XIRP2: variants seen among roughly 807,000 people sequenced by gnomAD.
The protein encoded by XIRP2 is xin actin-binding repeat-containing protein 2.
A neutral mutation model predicts 277.0 loss-of-function variants in XIRP2; 236 were observed. The ratio of observed to expected loss-of-function variants is 0.85; its 90% CI spans 0.77 to 0.95. XIRP2 has a LOEUF of 0.95. Ranked by LOEUF, XIRP2 falls within the 40% of genes least tolerant of loss-of-function variation. XIRP2 has a pLI of 0.00. For synonymous variants in XIRP2, 1,490 were observed against 1,416.5 expected (o/e 1.05, Z -1.17); for missense variants, 4,640 against 4,157.5 (o/e 1.12, Z -3.19).
intron 2 of XIRP2, among the ~76,000 whole-genome samples, chr2:167,065,204 G>T (rs75998019): frequency 0.033 from 4,992 of 151,944 alleles, 143 homozygotes; most frequent in African/African-American, 0.077. Flanking sequence ...TCTAATGGGT[G>T]TGAGGTACTA....
intron 5 of XIRP2, among the ~76,000 whole-genome samples, chr2:167,227,562 G>A (rs944012143): frequency 6.6e-6 from 1 of 151,862 alleles, no homozygotes; most frequent in Non-Finnish European, 1.5e-5. Context: ...TTTTTAATTA[G>A]CCAAGCATGG....
chr2:166,971,729 A>G (rs1686582856), intron 2 of XIRP2, among the ~76,000 whole-genome samples: 1 of 152,090 alleles, frequency 6.6e-6, no homozygotes, highest in Non-Finnish European at 1.5e-5. Context: ...ATTTAATGAA[A>G]AATATTTTGT....
intron 2 of XIRP2, among the ~76,000 whole-genome samples, chr2:167,086,733 A>T (rs529147692): frequency 1.3e-5 from 2 of 151,192 alleles, no homozygotes; most frequent in African/African-American, 4.9e-5. Flanking sequence ...AGTTGATCGC[A>T]TCAGCTCCTG....
At chr2:167,090,345 T>C (rs1484924226) in intron 2 of XIRP2, among the ~76,000 whole-genome samples, 1 of 152,156 alleles carries the variant, frequency 6.6e-6, no homozygotes, top group African/African-American at 2.4e-5. Context: ...AAGACATTAT[T>C]ATTTTTATTT....
chr2:167,225,829 T>C (rs1338024984), intron 5 of XIRP2, among the ~76,000 whole-genome samples: 2 of 152,220 alleles, frequency 1.3e-5, no homozygotes, highest in African/African-American at 4.8e-5. Context: ...GGCCCTTTAA[T>C]CTGTTTATCC....
intron 2 of XIRP2, among the ~76,000 whole-genome samples, chr2:167,009,399 A>C (rs895780207): frequency 2.6e-5 from 4 of 151,574 alleles, no homozygotes; most frequent in African/African-American, 7.3e-5. Flanking sequence ...TGAACTCATC[A>C]TTTTTTATGG....
intron 2 of XIRP2, among the ~76,000 whole-genome samples, chr2:166,997,620 T>C (rs1687257582): frequency 6.6e-6 from 1 of 152,054 alleles, no homozygotes; most frequent in East Asian, 1.9e-4. Flanking sequence ...TCAGTTGACT[T>C]GGGGGGCCTG....
chr2:167,188,280 T>TTA (rs1465427561), intron 3 of XIRP2, among the ~76,000 whole-genome samples: 2 of 152,206 alleles, frequency 1.3e-5, no homozygotes, highest in Non-Finnish European at 2.9e-5. Context: ...GGGCCTTAAA[T>TTA]GTTTAGATGT....
At chr2:167,152,488 C>A (rs892362475) in intron 3 of XIRP2, among the ~76,000 whole-genome samples, 1 of 152,102 alleles carries the variant, frequency 6.6e-6, no homozygotes, top group African/African-American at 2.4e-5. Flanking sequence ...ACACATAAAA[C>A]TTATATTAAA....
At chr2:167,016,541 T>C (rs1486132773) in intron 2 of XIRP2, among the ~76,000 whole-genome samples, 1 of 151,952 alleles carries the variant, frequency 6.6e-6, no homozygotes, top group Non-Finnish European at 1.5e-5. Flanking sequence ...CATAGACACT[T>C]GTACTCAATA....
intron 3 of XIRP2, among the ~76,000 whole-genome samples, chr2:167,168,038 A>G (rs1042554057): frequency 4.6e-5 from 7 of 152,176 alleles, no homozygotes; most frequent in Non-Finnish European, 8.8e-5. Context: ...CAACACTTGT[A>G]TATTTCACTT....
At chr2:166,910,154 T>C (rs1348590432) in intron 2 of XIRP2, among the ~76,000 whole-genome samples, 1 of 152,222 alleles carries the variant, frequency 6.6e-6, no homozygotes, top group Non-Finnish European at 1.5e-5. Context: ...ATTCCCTCTT[T>C]TTCTATTGAT....
intron 2 of XIRP2, among the ~76,000 whole-genome samples, chr2:167,006,830 G>C (rs1443357420): frequency 6.6e-6 from 1 of 151,606 alleles, no homozygotes; most frequent in Non-Finnish European, 1.5e-5. Flanking sequence ...CAATCCTAAA[G>C]ATTTAAGTCT....
At chr2:167,058,951 T>TA (rs1689105802) in intron 2 of XIRP2, among the ~76,000 whole-genome samples, 1 of 152,122 alleles carries the variant, frequency 6.6e-6, no homozygotes, top group Non-Finnish European at 1.5e-5. Context: ...TGAGCTTACT[T>TA]ACATTTACCT....
At chr2:167,001,053 A>T (rs894955872) in intron 2 of XIRP2, among the ~76,000 whole-genome samples, 8 of 152,136 alleles carry the variant, frequency 5.3e-5, no homozygotes, top group African/African-American at 1.7e-4. Flanking sequence ...AAAAATAAGT[A>T]TGAAGAAATT....
intron 3 of XIRP2, among the ~76,000 whole-genome samples, chr2:167,168,383 A>G (rs1347186561): frequency 6.6e-6 from 1 of 151,266 alleles, no homozygotes; most frequent in African/African-American, 2.4e-5. Context: ...TTTTTTTTGT[A>G]AGTTGTCTCA....
At chr2:167,048,772 C>T (rs1012553272) in intron 2 of XIRP2, among the ~76,000 whole-genome samples, 2 of 151,934 alleles carry the variant, frequency 1.3e-5, no homozygotes, top group African/African-American at 4.8e-5. Context: ...CCTTTTGAGT[C>T]CTTTCTAAGT....
intron 10 of XIRP2, among the ~76,000 whole-genome samples, chr2:167,254,999 AT>A (rs569488767): frequency 1.3e-4 from 19 of 150,748 alleles, no homozygotes; most frequent in African/African-American, 4.4e-4. Context: ...TCATGGCAAC[AT>A]TTTTTTCCCT....
At chr2:166,995,091 AG>A (rs1218903720) in intron 2 of XIRP2, among the ~76,000 whole-genome samples, 1 of 152,116 alleles carries the variant, frequency 6.6e-6, no homozygotes, top group African/African-American at 2.4e-5. Flanking sequence ...CATGTTGGCC[AG>A]GGTGGTCTCA....
Sources: gnomAD v4.1 joint callset for allele counts (sites outside exome capture counted in the v4.1 genomes callset) on GRCh38, gnomAD v4.1.1 for gene constraint, MANE v1.5 for transcripts, NCBI Gene and HGNC (gene_info 2026-07-23, HGNC 2026-07-21) for gene names.